PRKG1: variants seen among roughly 807,000 people sequenced by gnomAD.
PRKG1 encodes cGMP-dependent protein kinase 1.
Under a neutral mutation model 88.1 loss-of-function variants are expected in PRKG1, and 35 were observed. The ratio of observed to expected loss-of-function variants is 0.40; its 90% CI spans 0.30 to 0.53. The LOEUF (loss-of-function observed/expected upper bound fraction) is 0.53. PRKG1 is among the 20% of genes least tolerant of loss of function. The pLI is 0.59. For synonymous variants in PRKG1, 303 were observed against 292.5 expected, an observed-to-expected ratio of 1.04 and a Z score of -0.37; for missense variants, 540 against 839.8, an observed-to-expected ratio of 0.64 and a Z score of 4.41.
At chr10:51,285,667 T>C (rs1334762709) in intron 2 of PRKG1, among the ~76,000 whole-genome samples, 1 of 152,140 alleles carries the variant, frequency 6.6e-6, no homozygotes, top group African/African-American at 2.4e-5. Context: ...TAGGACAAAA[T>C]TGTAGGAGAC....
rs1349583642 is a variant in PRKG1 at position 52,294,148 on chromosome 10, A to C, written c.*248A>C. On this transcript the variant is annotated 3_prime_UTR_variant, in exon 18 of 18. Coordinates refer to ENST00000373980, the MANE Select transcript of PRKG1 (RefSeq NM_006258.4). ...TGGTCCTGAAGCAAAGCCTTTCACC[A>C]GTAAAAGATGTTTTCTATTGTTGCA... 1 of 372,984 alleles carries C rather than the reference A, an allele frequency of 2.7e-6. No homozygotes were observed. The highest frequency in any genetic ancestry group is 4.6e-6 in the Non-Finnish European group (1 of 217,478). The allele number at this position is 372,984 out of a possible 1,614,324, so 23.1% of individuals were successfully genotyped here. A position where few individuals can be genotyped will look rare whatever the true frequency, so the allele number is the denominator to read the frequency against.
At chr10:52,012,052 T>G (rs1369034434) in intron 5 of PRKG1, among the ~76,000 whole-genome samples, 1 of 152,166 alleles carries the variant, frequency 6.6e-6, no homozygotes, top group Non-Finnish European at 1.5e-5. Context: ...GGGTATGTCT[T>G]TATCAGCAGC....
intron 7 of PRKG1, among the ~76,000 whole-genome samples, chr10:52,083,483 G>T (rs1263596336): frequency 2.6e-5 from 4 of 152,078 alleles, no homozygotes; most frequent in Non-Finnish European, 5.9e-5. Flanking sequence ...TTTAGAACAG[G>T]ACCGGAACAT....
intron 1 of PRKG1, among the ~76,000 whole-genome samples, chr10:51,126,131 T>A (rs12770123): frequency 8.3e-6 from 1 of 120,438 alleles, no homozygotes; most frequent in African/African-American, 3.4e-5. Context: ...ATATTTAATT[T>A]TATAATTATA....
At chr10:51,375,203 A>G (rs1842793007) in intron 2 of PRKG1, among the ~76,000 whole-genome samples, 1 of 152,198 alleles carries the variant, frequency 6.6e-6, no homozygotes, top group Non-Finnish European at 1.5e-5. Context: ...ACTGTAAGTT[A>G]GAAAGATTAT....
chr10:52,166,799 A>ATATATATATGTATATATATG (rs1221347021), intron 9 of PRKG1, among the ~76,000 whole-genome samples: 2 of 70,800 alleles, frequency 2.8e-5, no homozygotes, highest in African/African-American at 2.2e-4. Flanking sequence ...ATATATATAC[A>ATATATATATGTATATATATG]TATATATATG....
intron 3 of PRKG1, among the ~76,000 whole-genome samples, chr10:51,720,244 A>G (rs2132449272): frequency 6.6e-6 from 1 of 152,216 alleles, no homozygotes; most frequent in East Asian, 1.9e-4. Flanking sequence ...TCATTCCCTG[A>G]TTATAGCTTC....
intron 5 of PRKG1, among the ~76,000 whole-genome samples, chr10:52,053,617 G>A (rs185561367): frequency 5.5e-4 from 84 of 152,182 alleles, no homozygotes; most frequent in African/African-American, 1.9e-3. Flanking sequence ...TACTTTCTCC[G>A]ACCTCTCCTT....
intron 4 of PRKG1, among the ~76,000 whole-genome samples, chr10:51,819,917 C>G (rs1839698708): frequency 6.6e-6 from 1 of 152,112 alleles, no homozygotes; most frequent in African/African-American, 2.4e-5. Context: ...AATTCATAAT[C>G]ATTGAGAATG....
intron 1 of PRKG1, among the ~76,000 whole-genome samples, chr10:51,144,084 A>G (rs1845884334): frequency 6.6e-6 from 1 of 152,050 alleles, no homozygotes; most frequent in Non-Finnish European, 1.5e-5. Context: ...GTTTTCCTCT[A>G]GTAGCTTCAT....
intron 8 of PRKG1, among the ~76,000 whole-genome samples, chr10:52,134,382 A>G (rs970342543): frequency 6.6e-6 from 1 of 152,106 alleles, no homozygotes; most frequent in African/African-American, 2.4e-5. Flanking sequence ...TAGGGAAGAA[A>G]CTTTTGAAGA....
At chr10:51,565,200 C>T (rs551276582) in intron 3 of PRKG1, among the ~76,000 whole-genome samples, 1 of 149,532 alleles carries the variant, frequency 6.7e-6, no homozygotes, top group Admixed American at 6.6e-5. Flanking sequence ...TCTTTTCTTA[C>T]AAATCAAAAA....
chr10:51,970,686 GATATATATATCAGATATATCATCTGAT>G (rs1564733783), intron 5 of PRKG1, among the ~76,000 whole-genome samples: 3 of 139,766 alleles, frequency 2.1e-5, no homozygotes, highest in South Asian at 2.3e-4. Flanking sequence ...TTAATCATCT[GATATATATATCAGATATATCATCTGAT>G]ATATATATAT....
At chr10:51,928,361 G>A (rs1842621294) in intron 5 of PRKG1, among the ~76,000 whole-genome samples, 1 of 152,156 alleles carries the variant, frequency 6.6e-6, no homozygotes, top group South Asian at 2.1e-4. Context: ...TCAGCAATTA[G>A]AACTATTATC....
intron 3 of PRKG1, among the ~76,000 whole-genome samples, chr10:51,562,347 A>G (rs973164451): frequency 2.0e-5 from 3 of 152,156 alleles, no homozygotes; most frequent in Admixed American, 1.3e-4. Context: ...GATAAAAATT[A>G]TATTAAACTG....
chr10:52,034,720 T>G (rs981710072), intron 5 of PRKG1, among the ~76,000 whole-genome samples: 2 of 151,796 alleles, frequency 1.3e-5, no homozygotes, highest in Non-Finnish European at 2.9e-5. Flanking sequence ...AGGGCATGTA[T>G]GAGTAGTTGA....
rs114088365 is a variant in PRKG1 at position 51,272,775 on chromosome 10, G to A, written c.478+119445G>A. Among the ~76,000 whole-genome samples, 196 of 152,214 alleles carry A rather than the reference G, an allele frequency of 1.3e-3. 1 individual carries two copies. The highest frequency in any genetic ancestry group is 4.4e-3 in the African/African-American group (184 of 41,508). ...GGTGATCCATATTTTAATTAGCTGG[G>A]ATTGTTTCCAGTGTCTCCCTGGGGA... On this transcript the variant is annotated intron_variant, in intron 2 of 17. Coordinates refer to ENST00000373980, the MANE Select transcript of PRKG1 (RefSeq NM_006258.4).
At chr10:51,715,460 G>C (rs928907223) in intron 3 of PRKG1, among the ~76,000 whole-genome samples, 1 of 152,068 alleles carries the variant, frequency 6.6e-6, no homozygotes, top group Non-Finnish European at 1.5e-5. Flanking sequence ...AAGTCCTCAG[G>C]GGGTATGCAG....
At chr10:51,005,780 G>C (rs930789591) in intron 1 of PRKG1, among the ~76,000 whole-genome samples, 1 of 152,234 alleles carries the variant, frequency 6.6e-6, no homozygotes, top group African/African-American at 2.4e-5. Context: ...GAGCTGCTCA[G>C]AGTGCTAGAA....
Sources: allele counts gnomAD v4.1 joint callset (sites outside exome capture counted in the v4.1 genomes callset), GRCh38; gene constraint gnomAD v4.1.1; transcripts MANE v1.5; gene names NCBI Gene and HGNC (gene_info 2026-07-23, HGNC 2026-07-21).